COL1A1: variants seen among roughly 807,000 people sequenced by gnomAD.
COL1A1 encodes the protein collagen type I alpha 1 chain, also known as collagen alpha-1(I) chain.
In COL1A1, 21 loss-of-function variants were observed where a neutral mutation model predicts 195.7. The observed-to-expected ratio is 0.11, with a 90% CI of 0.08 to 0.15. The LOEUF is 0.15. Ranked by LOEUF, COL1A1 falls within the 10% of genes least tolerant of loss-of-function variation. The pLI is 1.00. For missense variants in COL1A1, 1,365 were observed against 2,051.0 expected (o/e 0.67, Z 6.46); for synonymous variants, 749 against 747.3 (o/e 1.00, Z -0.04).
Position 50,199,908 on chromosome 17 carries a change from T to C in COL1A1, c.143A>G (p.His48Arg), listed in dbSNP as rs1273874412. ...ITCVQNGLRY[H>R]DRDVWKPEPC... ...CTCGGGTTTCCACACGTCTCGGTCA[T>C]GGTACCTGAGGCCGTTCTGTACGCA... Residue 48 changes from histidine (H) to arginine (R), a missense_variant, in exon 2 of 51, where the codon CAT (histidine) becomes CGT (arginine). Physicochemically the swap from His to Arg is conservative, Grantham distance 29 (BLOSUM62 0). Transcript: ENST00000225964. 1.2e-6 allele frequency: 2 copies of C among 1,614,164 alleles called. No homozygotes were observed. The highest frequency in any genetic ancestry group is 1.3e-5 in the African/African-American group (1 of 75,050).
rs753683126 is a variant in COL1A1, at chr17:50,199,822, C to T, written c.229G>A (p.Glu77Lys). ...KVLCDDVICD[E>K]TKNCPGAEVP... ...TCGGCGCCGGGGCAGTTCTTGGTCTCGTCACAGATCACGTCATCGCACAAC... is the reference window on the plus strand; with the variant it reads ...TCGGCGCCGGGGCAGTTCTTGGTCTTGTCACAGATCACGTCATCGCACAAC... The change falls in exon 2 of 51, where the codon GAG becomes AAG. Residue 77 changes from glutamate (E) to lysine (K), a missense_variant. Around this residue, in one of 5 missense-constraint regions of COL1A1, gnomAD observed 194 missense variants for 221.7 expected, o/e 0.88. Coordinates refer to ENST00000225964, the MANE Select transcript of COL1A1 (RefSeq NM_000088.4). 3.7e-6 allele frequency: 6 copies of T among 1,614,038 alleles called. No homozygotes were observed. In the East Asian group the frequency reaches 1.3e-4, roughly 36 times the overall value.
chr17:50,198,394 TTC>T, intron 6 of COL1A1, 37 bp downstream of exon 6: 1 of 1,604,464 alleles, frequency 6.2e-7, no homozygotes, highest in Admixed American at 1.7e-5. Context: ...TGGATACCCA[TTC>T]TCTCTTCTGT....
rs137987935 is a variant in COL1A1 at position 50,186,813 on chromosome 17, C to T, written c.3641G>A (p.Arg1214His). ...ATTGGCATCATCAGCCCGGTAGTAG[C>T]GGCCACCATCGTGAGCCTTCTCTTG... ...PPQEKAHDGG[R>H]YYRADDANVV... is the part of the protein sequence containing the mutation. The change falls in exon 48 of 51, where the codon CGC (arginine) becomes CAC (histidine). Residue 1214 changes from arginine to histidine, a missense_variant. Arg to His is a conservative substitution (Grantham distance 29). Around this residue, in one of 5 missense-constraint regions of COL1A1, gnomAD observed 671 missense variants for 1,099.9 expected, o/e 0.61. Coordinates refer to ENST00000225964, the MANE Select transcript of COL1A1 (RefSeq NM_000088.4). The surrounding 1 kb of genome is among the most constrained non-coding windows in gnomAD (Gnocchi z 5.3). 9 of 1,613,998 alleles carry T rather than the reference C, an allele frequency of 5.6e-6. No homozygotes were observed. The highest frequency in any genetic ancestry group is 2.2e-5 in the East Asian group (1 of 44,882).
rs1907107638 is a variant in COL1A1 at position 50,191,839 on chromosome 17, A to G, written c.2076T>C (p.Gly692=). The G allele has an allele frequency of 4.4e-6, 7 of 1,603,252 alleles. No individual in the cohort carries two copies. Among genetic ancestry groups the G allele is most frequent in the Non-Finnish European group, 6.0e-6 (7 of 1,174,564 alleles). Residue 692 remains glycine (G), a synonymous_variant, in exon 31 of 51, where the codon GGT becomes GGC. Transcript: ENST00000225964. The part of the protein sequence containing the change: ...PGERGVQGPP[G]PAGPRGANGA... ...CGTTGGCCCCTCGGGGACCAGCAGG[A>G]CCAGGGGGACCTTGCACACCACGCT...
At chr17:50,199,617 A>G (rs1313707879) in intron 2 of COL1A1, 27 bp from the exon 3 acceptor site, 15 of 1,613,800 alleles carry the variant, frequency 9.3e-6, no homozygotes, top group Non-Finnish European at 1.2e-5. Context: ...CGCGCGTTAG[A>G]GCCAAGGTTT....
rs756337302 is a variant in COL1A1, at chr17:50,189,463, G to A, written c.2743C>T (p.Pro915Ser). ...GGKGPRGETG[P>S]AGRPGEVGPP... Reference sequence around the variant, plus strand: ...CCAACTTCACCAGGACGTCCAGCAGGGCCAGTCTCACCACGGGGACCTTTG... The same window carrying A: ...CCAACTTCACCAGGACGTCCAGCAGAGCCAGTCTCACCACGGGGACCTTTG... Residue 915 changes from proline (P) to serine (S), a missense_variant, in exon 39 of 51, where the codon CCT (proline) becomes TCT (serine). Around this residue, in one of 5 missense-constraint regions of COL1A1, gnomAD observed 671 missense variants for 1,099.9 expected, o/e 0.61. Coordinates refer to ENST00000225964, the MANE Select transcript of COL1A1 (RefSeq NM_000088.4). The surrounding 1 kb of genome is among the most constrained non-coding windows in gnomAD (Gnocchi z 5.5). 16 of 1,613,044 alleles carry A rather than the reference G, an allele frequency of 9.9e-6. No individual in the cohort carries two copies. The highest frequency in any genetic ancestry group is 2.7e-5 in the African/African-American group (2 of 74,608).
In COL1A1 at chr17:50,190,739, G is replaced by T; in HGVS notation, c.2343+78C>A. ...GTTTGGCAGGACCTGCTCTCCCAAC[G>T]CAACCCCACGGAACCGTGCCCAGGC... On this transcript the variant is annotated intron_variant, in intron 33 of 50. Coordinates refer to ENST00000225964, the MANE Select transcript of COL1A1 (RefSeq NM_000088.4). This position sits in a 1 kb window ranked among gnomAD's most constrained non-coding sequence, Gnocchi z 4.7. 6.7e-7 allele frequency: 1 copy of T among 1,501,554 alleles called. No homozygotes were observed. Among genetic ancestry groups the T allele is most frequent in the East Asian group, 2.3e-5 (1 of 44,088 alleles). 93.0% of individuals were successfully genotyped at this position (1,501,554 alleles called of 1,614,324 possible).
At chr17:50,197,342 G>T in intron 9 of COL1A1, 109 bp from the exon 10 acceptor site, 1 of 1,101,300 alleles carries the variant, frequency 9.1e-7, no homozygotes, top group Non-Finnish European at 1.4e-6. Context: ...GGTCAGGTTT[G>T]GGGGCCCAGA....
rs750493684 is a variant in COL1A1 at position 50,190,543 on chromosome 17, G to A, written c.2397C>T (p.Pro799=). The change falls in exon 34 of 51, where the codon CCC becomes CCT. Residue 799 remains proline, a splice_region_variant and synonymous_variant. Coordinates refer to ENST00000225964, the MANE Select transcript of COL1A1 (RefSeq NM_000088.4). This position sits in a 1 kb window ranked among gnomAD's most constrained non-coding sequence, Gnocchi z 4.7. ...PAGPTGARGA[P]GDRGEPGPPG... Reference sequence around the variant, plus strand: ...GTCTTAACAGGTCTTCTGTACTTACGGGGGCACCACGAGCTCCAGTGGGAC... The same window carrying A: ...GTCTTAACAGGTCTTCTGTACTTACAGGGGCACCACGAGCTCCAGTGGGAC... 34 of 1,612,362 alleles carry A rather than the reference G, an allele frequency of 2.1e-5. No homozygotes were observed. The highest frequency in any genetic ancestry group is 2.7e-5 in the Non-Finnish European group (32 of 1,178,998).
intron 11 of COL1A1, 98 bp downstream of exon 11, chr17:50,196,912 C>T: frequency 7.2e-7 from 1 of 1,396,990 alleles, no homozygotes; most frequent in African/African-American, 1.4e-5. Context: ...AGCTGCCACC[C>T]ACCATGATGC....
Position 50,190,697 on chromosome 17 carries a change from C to T in COL1A1, c.2344-101G>A. On this transcript the variant is annotated intron_variant, in intron 33 of 50. Coordinates refer to ENST00000225964, the MANE Select transcript of COL1A1 (RefSeq NM_000088.4). This position sits in a 1 kb window ranked among gnomAD's most constrained non-coding sequence, Gnocchi z 4.7. ...CCCCTCCTTCTGGTCCCTCCAGGTT[C>T]CCAGGTTGACAGCTCAGTTTGGCAG... The T allele has an allele frequency of 6.6e-7, 1 of 1,506,734 alleles. No homozygotes were observed. Among genetic ancestry groups the T allele is most frequent in the East Asian group, 2.3e-5 (1 of 44,170 alleles). 93.3% of individuals were successfully genotyped at this position (1,506,734 alleles called of 1,614,324 possible).
Position 50,193,781 on chromosome 17 carries a change from G to A in COL1A1, c.1767+162C>T, listed in dbSNP as rs144060079. ...CAGGCATGAGCCACCGTGCCCCGCCGAGAAGTCTTTCATTTTACAGATAGG... is the reference window on the plus strand; with the variant it reads ...CAGGCATGAGCCACCGTGCCCCGCCAAGAAGTCTTTCATTTTACAGATAGG... On this transcript the variant is annotated intron_variant, in intron 25 of 50. Coordinates refer to ENST00000225964, the MANE Select transcript of COL1A1 (RefSeq NM_000088.4). 2.8e-4 allele frequency: 205 copies of A among 732,492 alleles called. No homozygotes were observed. In the East Asian group the frequency reaches 5.3e-3, roughly 19 times the overall value. 45.4% of individuals were successfully genotyped at this position (732,492 alleles called of 1,614,324 possible).
chr17:50,190,855 T>G lies in COL1A1; in HGVS notation c.2305A>C (p.Ile769Leu). The stretch of plus-strand genomic sequence containing the variant: ...GCACCAGCAGGGCCAGGAGGACCAA[T>G]GGGGCCAGTCAGACCACGGACGCCA... ...KDGVRGLTGP[I>L]GPPGPAGAPG... The change falls in exon 33 of 51, where the codon ATT (isoleucine) becomes CTT (leucine). Residue 769 changes from isoleucine to leucine, a missense_variant. By Grantham distance (5) the Ile-to-Leu change is conservative. This residue lies in a region of COL1A1 where 671 missense variants were observed against 1,099.9 expected (regional missense o/e 0.61). Coordinates refer to ENST00000225964, the MANE Select transcript of COL1A1 (RefSeq NM_000088.4). The surrounding 1 kb of genome is among the most constrained non-coding windows in gnomAD (Gnocchi z 4.7). 1 of 1,613,650 alleles carries G rather than the reference T, an allele frequency of 6.2e-7. No homozygotes were observed. The highest frequency in any genetic ancestry group is 8.5e-7 in the Non-Finnish European group (1 of 1,179,756).
In COL1A1 at chr17:50,188,436, TG is replaced by T; in HGVS notation, c.3207+93del. On this transcript the variant is annotated intron_variant, in intron 43 of 50. Coordinates refer to ENST00000225964, the MANE Select transcript of COL1A1 (RefSeq NM_000088.4). The surrounding 1 kb of genome is among the most constrained non-coding windows in gnomAD (Gnocchi z 5.6). ...CAGGATCTCCTTTCCTCCCCCTGCC[TG>T]GGTGAAGTCCGACACCCATCCCCAG... 8.0e-7 allele frequency: 1 copy of T among 1,257,034 alleles called. No individual in the cohort carries two copies. Among genetic ancestry groups the T allele is most frequent in the Non-Finnish European group, 1.2e-6 (1 of 861,818 alleles). 77.9% of individuals were successfully genotyped at this position (1,257,034 alleles called of 1,614,324 possible).
chr17:50,200,100 C>T, intron 1 of COL1A1, 153 bp from the exon 2 acceptor site: 2 of 841,358 alleles, frequency 2.4e-6, no homozygotes, highest in Non-Finnish European at 3.9e-6. Flanking sequence ...TCGCCTGCTC[C>T]TCATCAGCGC....
chr17:50,194,414 C>G lies in COL1A1; in HGVS notation c.1549G>C (p.Ala517Pro). The change falls in exon 23 of 51, where the codon GCT becomes CCT. Residue 517 changes from alanine (A) to proline (P), a missense_variant. Coordinates refer to ENST00000225964, the MANE Select transcript of COL1A1 (RefSeq NM_000088.4). The surrounding 1 kb of genome is among the most constrained non-coding windows in gnomAD (Gnocchi z 6.8). ...PAGERGSPGP[A>P]GPKGSPGEAG... ...TCACCAGGAGATCCTTTGGGGCCAG[C>G]AGGGCCAGGAGAACCACGTTCACCA... 2 of 1,614,114 alleles carry G rather than the reference C, an allele frequency of 1.2e-6. No individual in the cohort carries two copies. The highest frequency in any genetic ancestry group is 1.7e-6 in the Non-Finnish European group (2 of 1,180,012).
rs768091337 is a variant in COL1A1 at position 50,194,059 on chromosome 17, G to A, written c.1669-18C>T. On this transcript the variant is annotated intron_variant, in intron 24 of 50. Coordinates refer to ENST00000225964, the MANE Select transcript of COL1A1 (RefSeq NM_000088.4). The surrounding 1 kb of genome is among the most constrained non-coding windows in gnomAD (Gnocchi z 6.8). ...GCGGGACCCTAAGGATGGGAGGCAC[G>A]AAAGCAGCAGTGAGGACAGCAGGGA... is the stretch of plus-strand genomic sequence containing the variant. The A allele has an allele frequency of 4.3e-6, 7 of 1,612,408 alleles. No individual in the cohort carries two copies. The highest frequency in any genetic ancestry group is 3.3e-5 in the South Asian group (3 of 91,036).
intron 1 of COL1A1, chr17:50,200,203 A>C: frequency 2.4e-5 from 12 of 506,678 alleles, no homozygotes; most frequent in Non-Finnish European, 3.6e-5. Flanking sequence ...GTGGCTTCCA[A>C]CTCCAACCTC....
chr17:50,192,117 G>A lies in COL1A1; in HGVS notation c.1984-93C>T, dbSNP rs567065328. 8.7e-5 allele frequency: 119 copies of A among 1,364,792 alleles called. 2 individuals are homozygous for A. In the South Asian group the frequency reaches 1.3e-3, roughly 15 times the overall value. 84.5% of individuals were successfully genotyped at this position (1,364,792 alleles called of 1,614,324 possible). On this transcript the variant is annotated intron_variant, in intron 29 of 50. Coordinates refer to ENST00000225964, the MANE Select transcript of COL1A1 (RefSeq NM_000088.4). ...CGGTCCTTCCTCCTGGGGTCTGGCCGTGATTAGAGAGGAACCCCTTCTCAG... is the reference window on the plus strand; with the variant it reads ...CGGTCCTTCCTCCTGGGGTCTGGCCATGATTAGAGAGGAACCCCTTCTCAG...
Sources: allele counts gnomAD v4.1 joint callset, GRCh38; gene constraint gnomAD v4.1.1; regional missense constraint gnomAD v4.1.1; non-coding constraint Gnocchi (gnomAD v3.1); transcripts MANE v1.5; gene names NCBI Gene and HGNC (gene_info 2026-07-23, HGNC 2026-07-21).